The following CLASP2 variants were observed in gnomAD, a reference collection of about 807,000 sequenced individuals.
CLASP2 encodes the protein CLIP-associating protein 2.
CLASP2 carries 47 observed loss-of-function variants against 194.4 expected under a neutral mutation model. The observed-to-expected ratio is 0.24, with a 90% CI of 0.19 to 0.31. The LOEUF is 0.31. Ranked by LOEUF, CLASP2 falls within the 10% of genes least tolerant of loss-of-function variation. The pLI, the probability that CLASP2 is intolerant of heterozygous loss-of-function variation, is 1.00. For synonymous variants in CLASP2, 619 were observed against 633.5 expected (o/e 0.98, Z 0.34); for missense variants, 1,445 against 1,823.6 (o/e 0.79, Z 3.78).
At chr3:33,699,969 A>T (rs1277938426) in intron 1 of CLASP2, among the ~76,000 whole-genome samples, 1 of 152,116 alleles carries the variant, frequency 6.6e-6, no homozygotes, top group Non-Finnish European at 1.5e-5. Flanking sequence ...AAGGAGAAAT[A>T]AAAAGTTTTT....
intron 34 of CLASP2, among the ~76,000 whole-genome samples, chr3:33,528,964 CTTCAGCTAAGT>C (rs1361419628): frequency 6.6e-6 from 1 of 152,178 alleles, no homozygotes; most frequent in African/African-American, 2.4e-5. Flanking sequence ...TGATAAACAA[CTTCAGCTAAGT>C]TTCAGGATAT....
chr3:33,594,484 C>T (rs779619734), intron 20 of CLASP2, among the ~76,000 whole-genome samples: 55 of 151,612 alleles, frequency 3.6e-4, no homozygotes, highest in African/African-American at 1.3e-3. Flanking sequence ...TGACCAACTC[C>T]CCAGTTACTG....
At chr3:33,614,343 C>T (rs2075736301) in intron 12 of CLASP2, among the ~76,000 whole-genome samples, 1 of 152,054 alleles carries the variant, frequency 6.6e-6, no homozygotes, top group African/African-American at 2.4e-5. Flanking sequence ...TGATAAATGA[C>T]ATCAAGGATT....
chr3:33,677,156 G>A (rs1255909885), intron 6 of CLASP2, among the ~76,000 whole-genome samples: 1 of 152,030 alleles, frequency 6.6e-6, no homozygotes, highest in Non-Finnish European at 1.5e-5. Flanking sequence ...CGATTCCTCA[G>A]GGATCTACAA....
At chr3:33,619,092 A>G (rs1369292461) in intron 12 of CLASP2, among the ~76,000 whole-genome samples, 1 of 152,198 alleles carries the variant, frequency 6.6e-6, no homozygotes, top group Admixed American at 6.5e-5. Context: ...TACCGTACTG[A>G]ACACTCTAGG....
Position 33,535,256 on chromosome 3 carries a change from T to C in CLASP2, c.3764A>G (p.Asp1255Gly). ...ACCGTCAGGAAACTGGTCAGCATCA[T>C]CATCAAACATGGCTTCCTTGAGGGC... The part of the protein sequence containing the change: ...KSALKEAMFD[D>G]DADQFPDDLS... The change falls in exon 34 of 39, where the codon GAT becomes GGT. Residue 1255 changes from aspartate (D) to glycine (G), a missense_variant. This residue lies in a region of CLASP2 where 732 missense variants were observed against 987.9 expected (regional missense o/e 0.74). Transcript: ENST00000682230. The C allele has an allele frequency of 6.2e-7, 1 of 1,613,702 alleles. No homozygotes were observed. The highest frequency in any genetic ancestry group is 1.6e-4 in the Middle Eastern group (1 of 6,062).
intron 7 of CLASP2, chr3:33,658,884 G>A: frequency 1.7e-6 from 2 of 1,191,024 alleles, no homozygotes; most frequent in Non-Finnish European, 1.2e-6. Context: ...CATTCTTTAG[G>A]GAGAAATATA....
chr3:33,715,825 G>A (rs1482531143), intron 1 of CLASP2, among the ~76,000 whole-genome samples: 1 of 98,166 alleles, frequency 1.0e-5, no homozygotes, highest in Non-Finnish European at 1.8e-5. Context: ...AAACAGTTAA[G>A]TATGTTTTAT....
chr3:33,592,368 A>T (rs753737165), intron 21 of CLASP2, 27 bp downstream of exon 21: 1 of 1,460,524 alleles, frequency 6.8e-7, no homozygotes, highest in East Asian at 2.3e-5. Flanking sequence ...AGTGACAAAT[A>T]TAGGAGGGCT....
chr3:33,678,706 C>A (rs1317909009), intron 6 of CLASP2, among the ~76,000 whole-genome samples: 1 of 152,112 alleles, frequency 6.6e-6, no homozygotes, highest in African/African-American at 2.4e-5. Flanking sequence ...AGGTATAAAT[C>A]TAACGAAATA....
Position 33,603,091 on chromosome 3 carries a change from T to C in CLASP2, c.1785A>G (p.Pro595=). ...CACTTCGTGAACGCTGCAGGCTTCC[T>C]GGAAGGGAACTGGCTTTGCTGCTGC... ...SAGSSKASSL[P]GSLQRSRSDI... The change falls in exon 18 of 39, where the codon CCA becomes CCG. Residue 595 remains proline, a synonymous_variant. Transcript: ENST00000682230. 6.3e-7 allele frequency: 1 copy of C among 1,589,484 alleles called. No homozygotes were observed. The highest frequency in any genetic ancestry group is 1.8e-5 in the Admixed American group (1 of 56,624).
At chr3:33,592,751 A>G in intron 20 of CLASP2, 1 of 479,310 alleles carries the variant, frequency 2.1e-6, no homozygotes, top group Non-Finnish European at 3.8e-6. Context: ...ATATTAGTCC[A>G]GCAGTTACAA....
intron 37 of CLASP2, among the ~76,000 whole-genome samples, chr3:33,505,641 T>C (rs2047970918): frequency 6.6e-6 from 1 of 152,168 alleles, no homozygotes; most frequent in Non-Finnish European, 1.5e-5. Context: ...GAAAAGATGA[T>C]GGGGCAAGGT....
At chr3:33,624,580 T>G (rs983987163) in intron 10 of CLASP2, among the ~76,000 whole-genome samples, 2 of 152,144 alleles carry the variant, frequency 1.3e-5, no homozygotes, top group African/African-American at 4.8e-5. Flanking sequence ...CTGAACCCTA[T>G]ATATGCTTTT....
At chr3:33,557,614 T>C (rs947675436) in intron 29 of CLASP2, among the ~76,000 whole-genome samples, 1 of 152,072 alleles carries the variant, frequency 6.6e-6, no homozygotes, top group African/African-American at 2.4e-5. Flanking sequence ...GTTTAGAGTT[T>C]ATTATATATT....
intron 34 of CLASP2, among the ~76,000 whole-genome samples, chr3:33,534,437 G>A (rs1209872333): frequency 6.6e-6 from 1 of 151,820 alleles, no homozygotes; most frequent in South Asian, 2.1e-4. Context: ...GCTGAGTATG[G>A]TGGTCCGTAG....
intron 8 of CLASP2, chr3:33,644,378 A>T (rs2081917400): frequency 3.8e-6 from 1 of 259,864 alleles, no homozygotes; most frequent in South Asian, 4.4e-5. Context: ...AGGAATGTGT[A>T]AAAACATTAC....
chr3:33,706,641 C>T (rs764339414), intron 1 of CLASP2, among the ~76,000 whole-genome samples: 2 of 152,100 alleles, frequency 1.3e-5, no homozygotes, highest in Non-Finnish European at 2.9e-5. Context: ...TCAGTATGAA[C>T]TCATGACATA....
chr3:33,561,063 G>GA, intron 27 of CLASP2, 92 bp from the exon 28 acceptor site: 1 of 1,124,116 alleles, frequency 8.9e-7, no homozygotes, highest in Admixed American at 2.6e-5. Context: ...AGGAACACAG[G>GA]AATCAGAGGC....
Sources: gnomAD v4.1 joint callset for allele counts (sites outside exome capture counted in the v4.1 genomes callset) on GRCh38, gnomAD v4.1.1 for gene constraint, gnomAD v4.1.1 regional missense constraint, MANE v1.5 for transcripts, NCBI Gene and HGNC (gene_info 2026-07-23, HGNC 2026-07-21) for gene names.